SCRN3: variants seen among roughly 807,000 people sequenced by gnomAD.
The protein encoded by SCRN3 is secernin 3.
A neutral mutation model predicts 43.1 loss-of-function variants in SCRN3; 39 were observed. The observed-to-expected ratio is 0.91, with a 90% CI of 0.70 to 1.18. The LOEUF (loss-of-function observed/expected upper bound fraction) is 1.18, where lower values mean the gene tolerates loss of function less well. Ranked by LOEUF, SCRN3 falls within the 50% of genes most tolerant of loss-of-function variation. The pLI is 0.00. For synonymous variants in SCRN3, 147 were observed against 163.1 expected, an observed-to-expected ratio of 0.90 and a Z score of 0.75; for missense variants, 484 against 498.0, an observed-to-expected ratio of 0.97 and a Z score of 0.27.
At chr2:174,406,687 A>G (rs1685706953) in intron 5 of SCRN3, among the ~76,000 whole-genome samples, 1 of 141,572 alleles carries the variant, frequency 7.1e-6, no homozygotes, top group Non-Finnish European at 1.6e-5. Flanking sequence ...GAATTTTGTC[A>G]AAGGCTTTTT....
Position 174,427,766 on chromosome 2 carries a change from CAG to C in SCRN3, c.1152_1153del (p.Glu384AspfsTer11). The stretch of plus-strand genomic sequence containing the variant: ...TGAGGAAACTGGAGAAAGAACTATT[CAG>C]AGAGATGGAATCAATCCTTCAAAAC... The part of the protein sequence containing the change: ...NMRKLEKELF[R>X]EMESILQNKH... On this transcript the variant is annotated frameshift_variant, in exon 8 of 8. Transcript: ENST00000272732. LOFTEE classifies it high-confidence loss of function. The C allele has an allele frequency of 6.2e-7, 1 of 1,612,092 alleles. No individual in the cohort carries two copies. The highest frequency in any genetic ancestry group is 1.7e-5 in the Admixed American group (1 of 59,948).
chr2:174,424,680 T>C (rs778345195), intron 7 of SCRN3, 31 bp downstream of exon 7: 1 of 1,545,858 alleles, frequency 6.5e-7, no homozygotes, highest in Non-Finnish European at 8.9e-7. Context: ...TGTTATATCA[T>C]TAAGTGTAAA....
In SCRN3 at chr2:174,395,834, G is replaced by C. The variant is rs747757531; in HGVS notation, c.-10+17G>C. Reference sequence around the variant, plus strand: ...GGAGGCCAGGTGAGGGGCGCGCACGGGGGAGGGGCGTGCATAGTTGAGACA... The same window carrying C: ...GGAGGCCAGGTGAGGGGCGCGCACGCGGGAGGGGCGTGCATAGTTGAGACA... On this transcript the variant is annotated intron_variant, in intron 1 of 7. Transcript: ENST00000272732. 43 of 1,502,218 alleles carry C rather than the reference G, an allele frequency of 2.9e-5. No individual in the cohort carries two copies. The highest frequency in any genetic ancestry group is 3.5e-5 in the Non-Finnish European group (39 of 1,124,452). 93.1% of individuals were successfully genotyped at this position (1,502,218 alleles called of 1,614,324 possible). A position where few individuals can be genotyped will look rare whatever the true frequency, so the allele number is the denominator to read the frequency against.
intron 5 of SCRN3, among the ~76,000 whole-genome samples, chr2:174,419,460 A>C (rs1338765784): frequency 6.6e-6 from 1 of 152,136 alleles, no homozygotes; most frequent in Non-Finnish European, 1.5e-5. Context: ...GTTTACTGTA[A>C]CCTCAATCTC....
chr2:174,427,752 G>C lies in SCRN3; in HGVS notation c.1132G>C (p.Glu378Gln), dbSNP rs151287961. The change falls in exon 8 of 8, where the codon GAG (glutamate) becomes CAG (glutamine). Residue 378 changes from glutamate to glutamine, a missense_variant. Transcript: ENST00000272732. ...KIMLDNMRKL[E>Q]KELFREMESI... The stretch of plus-strand genomic sequence containing the variant: ...AATGTTGGACAACATGAGGAAACTG[G>C]AGAAAGAACTATTCAGAGAGATGGA... The C allele has an allele frequency of 2.2e-4, 355 of 1,607,086 alleles. No individual in the cohort carries two copies. Among genetic ancestry groups the C allele is most frequent in the Non-Finnish European group, 2.6e-4 (303 of 1,176,900 alleles).
intron 5 of SCRN3, among the ~76,000 whole-genome samples, chr2:174,414,765 CTT>C (rs553055709): frequency 7.6e-5 from 10 of 131,146 alleles, no homozygotes; most frequent in Admixed American, 2.4e-4. Context: ...TTTCTATTTT[CTT>C]TTTTTTTTTT....
At chr2:174,417,173 G>T (rs1686141319) in intron 5 of SCRN3, among the ~76,000 whole-genome samples, 1 of 152,130 alleles carries the variant, frequency 6.6e-6, no homozygotes, top group African/African-American at 2.4e-5. Flanking sequence ...GCTAATGCAT[G>T]TGGGGCGTAA....
rs752791881 is a variant in SCRN3, at chr2:174,427,746, A to T, written c.1126A>T (p.Lys376Ter). Residue 376 changes from lysine (K) to a stop codon, truncating the protein, a stop_gained, in exon 8 of 8, where the codon AAA becomes TAA. Coordinates refer to ENST00000272732, the MANE Select transcript of SCRN3 (RefSeq NM_024583.5). LOFTEE classifies it high-confidence loss of function. ...KAKIMLDNMR[K>*]LEKELFREME... ...CAAAATAATGTTGGACAACATGAGG[A>T]AACTGGAGAAAGAACTATTCAGAGA... 3.1e-6 allele frequency: 5 copies of T among 1,607,032 alleles called. No individual in the cohort carries two copies. The South Asian group carries it at 5.6e-5, about 18-fold the overall frequency.
chr2:174,398,473 T>G, intron 2 of SCRN3, 31 bp downstream of exon 2: 2 of 1,550,818 alleles, frequency 1.3e-6, no homozygotes, highest in Non-Finnish European at 1.7e-6. Flanking sequence ...GTTAGCAATA[T>G]GCCTTTTAAA....
chr2:174,416,108 T>C (rs1686096029), intron 5 of SCRN3, among the ~76,000 whole-genome samples: 1 of 152,180 alleles, frequency 6.6e-6, no homozygotes, highest in African/African-American at 2.4e-5. Flanking sequence ...TGGCTTGGTC[T>C]GGGGTCCAGG....
intron 4 of SCRN3, among the ~76,000 whole-genome samples, chr2:174,402,916 G>A (rs976659687): frequency 2.0e-4 from 30 of 151,914 alleles, no homozygotes; most frequent in African/African-American, 6.5e-4. Flanking sequence ...CTCTAAGACA[G>A]GCTTTTATTT....
chr2:174,396,734 G>T lies in SCRN3; in HGVS notation c.-10+917G>T, dbSNP rs182526976. Among the ~76,000 whole-genome samples the T allele has an allele frequency of 3.2e-3, 479 of 151,316 alleles. 5 individuals are homozygous for T. Among genetic ancestry groups the T allele is most frequent in the African/African-American group, 0.011 (452 of 41,320 alleles). ...AATCACTTGAACGCGGGAGGCGGAGGTTGCAGTGAGCCAAGACTGCTCCAT... is the reference window on the plus strand; with the variant it reads ...AATCACTTGAACGCGGGAGGCGGAGTTTGCAGTGAGCCAAGACTGCTCCAT... On this transcript the variant is annotated intron_variant, in intron 1 of 7. Transcript: ENST00000272732.
intron 1 of SCRN3, among the ~76,000 whole-genome samples, chr2:174,396,730 G>A (rs1272369734): frequency 6.6e-6 from 1 of 151,428 alleles, no homozygotes; most frequent in South Asian, 2.1e-4. Flanking sequence ...CGCGGGAGGC[G>A]GAGGTTGCAG....
chr2:174,400,195 G>T, intron 3 of SCRN3, 92 bp downstream of exon 3: 2 of 937,518 alleles, frequency 2.1e-6, no homozygotes, highest in Non-Finnish European at 3.1e-6. Flanking sequence ...ATTTTTGAGG[G>T]GGCTTTGATA....
chr2:174,405,835 G>C (rs1178386123), intron 5 of SCRN3, among the ~76,000 whole-genome samples: 1 of 150,252 alleles, frequency 6.7e-6, no homozygotes, highest in Non-Finnish European at 1.5e-5. Flanking sequence ...TTTGGTACCA[G>C]TACCATGCTG....
At chr2:174,404,077 T>A in intron 4 of SCRN3, 26 bp from the exon 5 acceptor site, 2 of 1,565,910 alleles carry the variant, frequency 1.3e-6, no homozygotes, top group Non-Finnish European at 1.8e-6. Context: ...TTTCTTCTCC[T>A]TTCTCCTCTT....
intron 5 of SCRN3, among the ~76,000 whole-genome samples, chr2:174,410,823 A>G (rs1484221287): frequency 1.3e-5 from 2 of 152,214 alleles, no homozygotes; most frequent in African/African-American, 4.8e-5. Flanking sequence ...ATATTTAAAC[A>G]TTCAAGACAT....
chr2:174,412,824 C>T (rs13009117), intron 5 of SCRN3, among the ~76,000 whole-genome samples: 26,302 of 150,098 alleles, frequency 0.18, 2,933 homozygotes, highest in Middle Eastern at 0.29. Context: ...GAGAACTAAC[C>T]TATAGAGTAG....
chr2:174,403,976 C>G (rs148249905), intron 4 of SCRN3, 127 bp from the exon 5 acceptor site: 11,195 of 620,314 alleles, frequency 0.018, 146 homozygotes, highest in Non-Finnish European at 0.024. Context: ...TAATAGATGC[C>G]CATGGCACAA....
Sources: gnomAD v4.1 joint callset for allele counts (sites outside exome capture counted in the v4.1 genomes callset) on GRCh38, gnomAD v4.1.1 for gene constraint, MANE v1.5 for transcripts, NCBI Gene and HGNC (gene_info 2026-07-23, HGNC 2026-07-21) for gene names.